NAALADL2: variants seen among roughly 807,000 people sequenced by gnomAD.
NAALADL2 encodes N-acetylated alpha-linked acidic dipeptidase like 2, also known as inactive N-acetylated-alpha-linked acidic dipeptidase-like protein 2.
A neutral mutation model predicts 87.2 loss-of-function variants in NAALADL2; 76 were observed. The ratio of observed to expected loss-of-function variants is 0.87; its 90% CI spans 0.72 to 1.05. NAALADL2 has a LOEUF of 1.05. Among genes scored for constraint, NAALADL2 ranks in the 50% least tolerant of loss-of-function variants. The pLI is 0.00. For synonymous variants in NAALADL2, 354 were observed against 331.0 expected, an observed-to-expected ratio of 1.07 and a Z score of -0.75; for missense variants, 1,089 against 945.8, an observed-to-expected ratio of 1.15 and a Z score of -1.99.
Position 175,604,218 on chromosome 3 carries a change from G to A in NAALADL2, c.1801-23073G>A, listed in dbSNP as rs147206249. Among the ~76,000 whole-genome samples, 88 of 150,936 alleles carry A rather than the reference G, an allele frequency of 5.8e-4. 2 individuals carry two copies. The South Asian group carries it at 7.5e-3, about 13-fold the overall frequency. On this transcript the variant is annotated intron_variant, in intron 10 of 13. Coordinates refer to ENST00000454872, the MANE Select transcript of NAALADL2 (RefSeq NM_207015.3). ...ATTGCCAAAACTTGATATTTTCATA[G>A]TTATATTTTTTCATAGTAGCATCGT...
At chr3:175,607,163 C>T (rs1048129004) in intron 10 of NAALADL2, among the ~76,000 whole-genome samples, 1 of 152,068 alleles carries the variant, frequency 6.6e-6, no homozygotes, top group African/African-American at 2.4e-5. Flanking sequence ...TTCCATTGAA[C>T]TTAGATTATA....
intron 9 of NAALADL2, among the ~76,000 whole-genome samples, chr3:175,560,859 A>G (rs1237428347): frequency 6.6e-6 from 1 of 152,138 alleles, no homozygotes; most frequent in Non-Finnish European, 1.5e-5. Flanking sequence ...TGACCTCATG[A>G]TCCACCCACC....
intron 2 of NAALADL2, among the ~76,000 whole-genome samples, chr3:175,105,259 G>A (rs989768741): frequency 2.0e-5 from 3 of 151,984 alleles, no homozygotes; most frequent in Non-Finnish European, 2.9e-5. Flanking sequence ...TCACAGTGGA[G>A]AAAGAACTAT....
At chr3:174,494,933 A>T (rs1378445802) in intron 1 of NAALADL2, among the ~76,000 whole-genome samples, 1 of 152,156 alleles carries the variant, frequency 6.6e-6, no homozygotes, top group African/African-American at 2.4e-5. Flanking sequence ...GAATTTTCAG[A>T]TGGAGAATTT....
At chr3:174,808,748 C>T (rs1407782736) in intron 3 of NAALADL2, among the ~76,000 whole-genome samples, 1 of 151,600 alleles carries the variant, frequency 6.6e-6, no homozygotes, top group African/African-American at 2.4e-5. Context: ...TTATATAAAC[C>T]TTTCACAAGC....
At chr3:174,640,884 C>G (rs977965188) in intron 2 of NAALADL2, among the ~76,000 whole-genome samples, 14 of 152,082 alleles carry the variant, frequency 9.2e-5, no homozygotes, top group African/African-American at 3.1e-4. Context: ...AATTCTGACT[C>G]TGCCATGAAA....
intron 2 of NAALADL2, among the ~76,000 whole-genome samples, chr3:174,638,287 A>T (rs1560109223): frequency 6.6e-6 from 1 of 152,214 alleles, no homozygotes; most frequent in Non-Finnish European, 1.5e-5. Context: ...GGCCATGGAG[A>T]TAACAAAAAG....
intron 5 of NAALADL2, among the ~76,000 whole-genome samples, chr3:175,326,443 C>A (rs1760714365): frequency 6.6e-6 from 1 of 152,134 alleles, no homozygotes; most frequent in South Asian, 2.1e-4. Context: ...TTTTTCTAGC[C>A]TGTTCCTTTA....
In NAALADL2 at chr3:174,951,805, T is replaced by C. The variant is rs115284133; in HGVS notation, c.43+92355T>C. ...TATTTTTCTATTATTACCCCCACTC[T>C]GTTCTTACTGCCATAATTTCTCTTT... On this transcript the variant is annotated intron_variant, in intron 1 of 13. Coordinates refer to ENST00000454872, the MANE Select transcript of NAALADL2 (RefSeq NM_207015.3). Among the ~76,000 whole-genome samples the C allele has an allele frequency of 3.5e-3, 527 of 152,262 alleles. 3 individuals are homozygous for C. The highest frequency in any genetic ancestry group is 0.012 in the African/African-American group (495 of 41,578).
Position 175,790,260 on chromosome 3 carries a change from G to A in NAALADL2, c.2190-12745G>A, listed in dbSNP as rs573146245. ...GTGAACAGGAGTCTGAGTAATGACA[G>A]ATCTCTTTCTTTTGGGGCCCCAGAT... On this transcript the variant is annotated intron_variant, in intron 13 of 13. Transcript: ENST00000454872. Among the ~76,000 whole-genome samples, 305 of 152,188 alleles carry A rather than the reference G, an allele frequency of 2.0e-3. 1 individual carries two copies. The highest frequency in any genetic ancestry group is 2.9e-3 in the Non-Finnish European group (198 of 67,994).
At chr3:175,358,685 C>T (rs1464481476) in intron 5 of NAALADL2, among the ~76,000 whole-genome samples, 1 of 152,168 alleles carries the variant, frequency 6.6e-6, no homozygotes, top group Non-Finnish European at 1.5e-5. Flanking sequence ...CTCTCATGTG[C>T]TCCCAGCACA....
intron 2 of NAALADL2, among the ~76,000 whole-genome samples, chr3:174,632,925 C>T (rs147267693): frequency 9.9e-6 from 1 of 101,262 alleles, no homozygotes; most frequent in African/African-American, 4.4e-5. Flanking sequence ...CAGAGCAAGA[C>T]TCTGTCTCAA....
intron 1 of NAALADL2, among the ~76,000 whole-genome samples, chr3:174,882,369 T>A: frequency 6.6e-6 from 1 of 151,954 alleles, no homozygotes; most frequent in East Asian, 1.9e-4. Context: ...GTTAACTTGA[T>A]ATATTAGGGT....
chr3:175,233,277 G>A (rs191075598), intron 2 of NAALADL2, among the ~76,000 whole-genome samples: 1 of 152,210 alleles, frequency 6.6e-6, no homozygotes, highest in East Asian at 1.9e-4. Context: ...ACAAAGAAAT[G>A]TCTCAACTGG....
At chr3:174,901,432 A>C (rs930094968) in intron 1 of NAALADL2, among the ~76,000 whole-genome samples, 1 of 152,282 alleles carries the variant, frequency 6.6e-6, no homozygotes, top group South Asian at 2.1e-4. Flanking sequence ...ATTAACATGA[A>C]GTAGGCTTTA....
At chr3:174,787,576 C>CATATATATATATATATATATACATATAT (rs1716826018) in intron 3 of NAALADL2, among the ~76,000 whole-genome samples, 1 of 14,732 alleles carries the variant, frequency 6.8e-5, no homozygotes, top group African/African-American at 1.8e-4. Flanking sequence ...AATATATCAT[C>CATATATATATATATATATATACATATAT]ATATATATAT....
intron 1 of NAALADL2, among the ~76,000 whole-genome samples, chr3:174,522,697 G>C (rs1331788666): frequency 6.6e-6 from 1 of 151,904 alleles, no homozygotes; most frequent in Non-Finnish European, 1.5e-5. Context: ...CACTTTGAGA[G>C]GCTGAGGCGG....
At chr3:175,508,739 A>G (rs532889259) in intron 9 of NAALADL2, among the ~76,000 whole-genome samples, 1 of 152,264 alleles carries the variant, frequency 6.6e-6, no homozygotes, top group Non-Finnish European at 1.5e-5. Flanking sequence ...TATTTACATT[A>G]TTGAAATAAT....
Position 174,717,942 on chromosome 3 carries a change from A to G in NAALADL2, c.-114-19699A>G, listed in dbSNP as rs143129483. Among the ~76,000 whole-genome samples the G allele has an allele frequency of 1.5e-3, 221 of 152,196 alleles. 1 individual carries two copies. The highest frequency in any genetic ancestry group is 5.2e-3 in the African/African-American group (215 of 41,548). On this transcript the variant is annotated intron_variant, in intron 2 of 3. Coordinates refer to the NAALADL2 transcript ENST00000434257. ...GGAGTTCGAGACTAGCCTGACCAAC[A>G]TGGTGAAACCCCCACCTCTCCTAAA...
Sources: allele counts gnomAD v4.1 joint callset (sites outside exome capture counted in the v4.1 genomes callset), GRCh38; gene constraint gnomAD v4.1.1; transcripts MANE v1.5; gene names NCBI Gene and HGNC (gene_info 2026-07-23, HGNC 2026-07-21).